Variants in EFNA5 observed in about 807,000 individuals in gnomAD.
EFNA5 encodes the protein ephrin-A5.
EFNA5 carries 5 observed loss-of-function variants against 22.9 expected under a neutral mutation model. That is an observed-to-expected ratio of 0.22 (90% CI 0.11 to 0.46). The LOEUF (loss-of-function observed/expected upper bound fraction) is 0.46, where lower values mean the gene tolerates loss of function less well. Ranked by LOEUF, EFNA5 falls within the 20% of genes least tolerant of loss-of-function variation. EFNA5 has a pLI of 0.99. For missense variants in EFNA5, 237 were observed against 293.3 expected, an observed-to-expected ratio of 0.81 and a Z score of 1.40; for synonymous variants, 113 against 112.2, an observed-to-expected ratio of 1.01 and a Z score of -0.04.
intron 1 of EFNA5, among the ~76,000 whole-genome samples, chr5:107,611,737 T>C (rs1274470964): frequency 3.3e-5 from 5 of 152,222 alleles, no homozygotes; most frequent in Non-Finnish European, 2.9e-5. Context: ...GTTCCAAAGA[T>C]AAATATTGGT....
At chr5:107,508,781 A>G (rs1747302155) in intron 1 of EFNA5, among the ~76,000 whole-genome samples, 1 of 152,218 alleles carries the variant, frequency 6.6e-6, no homozygotes, top group African/African-American at 2.4e-5. Flanking sequence ...AATGAGAAAA[A>G]AGTTCTAGAA....
intron 1 of EFNA5, among the ~76,000 whole-genome samples, chr5:107,431,972 G>A: frequency 6.6e-6 from 1 of 152,196 alleles, no homozygotes; most frequent in East Asian, 1.9e-4. Flanking sequence ...TGGTTCTGAA[G>A]CATATTCTTG....
At chr5:107,477,440 T>C (rs1362979640) in intron 1 of EFNA5, among the ~76,000 whole-genome samples, 1 of 152,136 alleles carries the variant, frequency 6.6e-6, no homozygotes, top group African/African-American at 2.4e-5. Flanking sequence ...AAGCAGAAAA[T>C]ACATATTGGC....
chr5:107,538,800 A>G lies in EFNA5; in HGVS notation c.126-111291T>C, dbSNP rs76200676. 7.7e-4 allele frequency among the ~76,000 whole-genome samples: 118 copies of G among 152,352 alleles called. 1 individual carries two copies. Among genetic ancestry groups the G allele is most frequent in the African/African-American group, 2.8e-3 (116 of 41,590 alleles). On this transcript the variant is annotated intron_variant, in intron 1 of 4. Transcript: ENST00000333274. ...ATTTGTAAAGTCCGAATTCAGCTGC[A>G]ATGATGTCATGTGAACATCTGGGTC...
chr5:107,603,690 G>T (rs1749652802), intron 1 of EFNA5, among the ~76,000 whole-genome samples: 1 of 152,200 alleles, frequency 6.6e-6, no homozygotes, highest in Non-Finnish European at 1.5e-5. Flanking sequence ...AGCAAAGAAT[G>T]TTAGAAGTGG....
intron 1 of EFNA5, among the ~76,000 whole-genome samples, chr5:107,554,326 A>T (rs1748363049): frequency 6.6e-6 from 1 of 152,226 alleles, no homozygotes; most frequent in South Asian, 2.1e-4. Context: ...TATGTATCAG[A>T]AATAAAATAA....
intron 1 of EFNA5, among the ~76,000 whole-genome samples, chr5:107,616,565 TAAAA>T (rs1561450404): frequency 6.6e-6 from 1 of 151,978 alleles, no homozygotes; most frequent in Non-Finnish European, 1.5e-5. Context: ...AAATAATAAA[TAAAA>T]AGAAAGCTCC....
chr5:107,553,666 A>G (rs1179904421), intron 1 of EFNA5, among the ~76,000 whole-genome samples: 1 of 152,230 alleles, frequency 6.6e-6, no homozygotes, highest in Non-Finnish European at 1.5e-5. Context: ...GGCCATTGCT[A>G]TTGACATTAG....
rs116052752 is a variant in EFNA5 at position 107,385,122 on chromosome 5, C to G, written c.565+2113G>C. Reference sequence around the variant, plus strand: ...CTACATTCTGCCAAACTTTTGCAAACTTCCAGCAGTTATATGTCCATCAAT... The same window carrying G: ...CTACATTCTGCCAAACTTTTGCAAAGTTCCAGCAGTTATATGTCCATCAAT... On this transcript the variant is annotated intron_variant, in intron 4 of 4. Transcript: ENST00000333274. Among the ~76,000 whole-genome samples the G allele has an allele frequency of 4.4e-4, 67 of 152,198 alleles. No homozygotes were observed. In the South Asian group the frequency reaches 0.012, roughly 27 times the overall value.
At chr5:107,586,875 G>C (rs992096340) in intron 1 of EFNA5, among the ~76,000 whole-genome samples, 14 of 152,122 alleles carry the variant, frequency 9.2e-5, no homozygotes, top group African/African-American at 3.4e-4. Context: ...CCTTACCAAA[G>C]AATACTTCAG....
At chr5:107,587,292 G>A (rs1749208985) in intron 1 of EFNA5, among the ~76,000 whole-genome samples, 2 of 152,118 alleles carry the variant, frequency 1.3e-5, no homozygotes, top group South Asian at 2.1e-4. Flanking sequence ...AAAAGTGGAA[G>A]CCTCTTGGCC....
intron 1 of EFNA5, among the ~76,000 whole-genome samples, chr5:107,572,146 G>C (rs997877797): frequency 1.8e-4 from 27 of 151,982 alleles, no homozygotes; most frequent in African/African-American, 6.0e-4. Flanking sequence ...TGCGTGATGT[G>C]AGTTACTCTG....
rs184289060 is a variant in EFNA5, at chr5:107,519,205, C to T, written c.126-91696G>A. Among the ~76,000 whole-genome samples, 242 of 152,276 alleles carry T rather than the reference C, an allele frequency of 1.6e-3. 1 individual carries two copies. Among genetic ancestry groups the T allele is most frequent in the Non-Finnish European group, 2.3e-3 (157 of 68,030 alleles). On this transcript the variant is annotated intron_variant, in intron 1 of 4. Coordinates refer to ENST00000333274, the MANE Select transcript of EFNA5 (RefSeq NM_001962.3). Reference sequence around the variant, plus strand: ...GCTGTTGCCCATGCAAAGTTTTAACCATCAAAATATCCTAATTCTAAAAGT... The same window carrying T: ...GCTGTTGCCCATGCAAAGTTTTAACTATCAAAATATCCTAATTCTAAAAGT...
Position 107,660,261 on chromosome 5 carries a change from C to CATATATATAT in EFNA5, c.125+10218_125+10227dup, listed in dbSNP as rs56838945. Among the ~76,000 whole-genome samples the CATATATATAT allele has an allele frequency of 5.0e-3, 263 of 52,354 alleles. 13 individuals are homozygous for CATATATATAT. Among genetic ancestry groups the CATATATATAT allele is most frequent in the Non-Finnish European group, 6.6e-3 (169 of 25,432 alleles). 34.3% of individuals were successfully genotyped at this position (52,354 alleles called of 152,430 possible). A position where few individuals can be genotyped will look rare whatever the true frequency, so the allele number is the denominator to read the frequency against. On this transcript the variant is annotated intron_variant, in intron 1 of 4. Coordinates refer to ENST00000333274, the MANE Select transcript of EFNA5 (RefSeq NM_001962.3). ...ACTGGAACCTCTGAGATGGCAAAAA[C>CATATATATAT]ATATATATATATATATATATATATA...
intron 1 of EFNA5, among the ~76,000 whole-genome samples, chr5:107,635,915 G>A (rs1750364193): frequency 6.6e-6 from 1 of 152,004 alleles, no homozygotes; most frequent in Non-Finnish European, 1.5e-5. Context: ...AACTTCTCAG[G>A]GACAGTTAAA....
At chr5:107,501,053 T>G (rs1185358720) in intron 1 of EFNA5, among the ~76,000 whole-genome samples, 2 of 152,140 alleles carry the variant, frequency 1.3e-5, no homozygotes, top group African/African-American at 4.8e-5. Flanking sequence ...CTTCCTGTTT[T>G]AGAGCATGCA....
At chr5:107,401,734 C>A (rs1003610399) in intron 2 of EFNA5, among the ~76,000 whole-genome samples, 1 of 152,126 alleles carries the variant, frequency 6.6e-6, no homozygotes, top group Non-Finnish European at 1.5e-5. Context: ...ACAAGGAAAT[C>A]AAGATTCTGA....
chr5:107,607,960 T>C (rs1378287348), intron 1 of EFNA5, among the ~76,000 whole-genome samples: 1 of 152,056 alleles, frequency 6.6e-6, no homozygotes, highest in African/African-American at 2.4e-5. Context: ...CAGAGCCTGG[T>C]AGTCCAAGCG....
intron 1 of EFNA5, among the ~76,000 whole-genome samples, chr5:107,522,122 C>A (rs1482945300): frequency 6.6e-6 from 1 of 152,184 alleles, no homozygotes; most frequent in African/African-American, 2.4e-5. Context: ...TTTCTGTTAT[C>A]TGAACACTAA....
Sources: gnomAD v4.1 joint callset for allele counts (sites outside exome capture counted in the v4.1 genomes callset) on GRCh38, gnomAD v4.1.1 for gene constraint, MANE v1.5 for transcripts, NCBI Gene and HGNC (gene_info 2026-07-23, HGNC 2026-07-21) for gene names.